POP1: variants seen among roughly 807,000 people sequenced by gnomAD.
The protein encoded by POP1 is ribonucleases P/MRP protein subunit POP1.
In POP1, 75 loss-of-function variants were observed where a neutral mutation model predicts 102.2. The observed-to-expected ratio is 0.73, with a 90% CI of 0.61 to 0.89. The LOEUF (loss-of-function observed/expected upper bound fraction) is 0.89, where lower values mean the gene tolerates loss of function less well. Among genes scored for constraint, POP1 ranks in the 40% least tolerant of loss-of-function variants. The probability of loss-of-function intolerance (pLI) is 0.00; values close to 1 mark genes in which losing one functional copy is unlikely to be tolerated. For missense variants in POP1, 1,116 were observed against 1,267.4 expected (o/e 0.88, Z 1.81); for synonymous variants, 436 against 464.1 (o/e 0.94, Z 0.78).
At chr8:98,130,442 A>T (rs1053013576) in intron 5 of POP1, among the ~76,000 whole-genome samples, 5 of 152,190 alleles carry the variant, frequency 3.3e-5, no homozygotes, top group African/African-American at 9.6e-5. Context: ...TTTACCAGAT[A>T]TGTGGTTGTA....
intron 11 of POP1, among the ~76,000 whole-genome samples, chr8:98,145,798 T>C (rs1429378818): frequency 1.3e-5 from 2 of 151,710 alleles, no homozygotes; most frequent in African/African-American, 4.8e-5. Context: ...CCCAGCTACT[T>C]GGGAGGCTGA....
intron 3 of POP1, among the ~76,000 whole-genome samples, 178 bp from the exon 4 acceptor site, chr8:98,128,187 A>T (rs1220664378): frequency 6.6e-6 from 1 of 151,898 alleles, no homozygotes; most frequent in African/African-American, 2.4e-5. Context: ...CCCCATCCAC[A>T]CTACCACAAT....
intron 3 of POP1, 34 bp from the exon 4 acceptor site, chr8:98,128,331 T>C: frequency 6.2e-7 from 1 of 1,604,258 alleles, no homozygotes; most frequent in African/African-American, 1.3e-5. Flanking sequence ...AATTCAAGAT[T>C]GGTGTTTAAT....
Position 98,149,006 on chromosome 8 carries a change from T to G in POP1, c.1902T>G (p.Phe634Leu), listed in dbSNP as rs761666913. The change falls in exon 13 of 16, where the codon TTT (phenylalanine) becomes TTG (leucine). Residue 634 changes from phenylalanine (F) to leucine (L), a missense_variant and splice_region_variant. Phe to Leu is a conservative substitution (Grantham distance 22). Transcript: ENST00000401707. ...GGGGCATGGCTTTCTGGATTCCATT[T>G]GTAAGTTACTTTTTGATTCTAACAG... ...KGWGMAFWIP[F>L]IYRGVRVGGL... 1 of 1,610,696 alleles carries G rather than the reference T, an allele frequency of 6.2e-7. No homozygotes were observed. Among genetic ancestry groups the G allele is most frequent in the Non-Finnish European group, 8.5e-7 (1 of 1,177,780 alleles).
At position 98,147,337 on chromosome 8, in the gene POP1, T is replaced by G. The variant is rs1250267450; in HGVS notation, c.1710+654T>G. On this transcript the variant is annotated intron_variant, in intron 12 of 15. Coordinates refer to ENST00000401707, the MANE Select transcript of POP1 (RefSeq NM_001145860.2). ...GGCAGGGTCAAGGTTTCAGTGAAGA[T>G]AAGATTGCAGGAAGTAAGAAAAGCA... Among the ~76,000 whole-genome samples, 5 of 152,182 alleles carry G rather than the reference T, an allele frequency of 3.3e-5. No individual in the cohort carries two copies. In the East Asian group the frequency reaches 9.7e-4, roughly 29 times the overall value.
intron 1 of POP1, among the ~76,000 whole-genome samples, chr8:98,121,512 G>GTT (rs34259075): frequency 0.08 from 9,562 of 119,618 alleles, 875 homozygotes; most frequent in African/African-American, 0.19. Flanking sequence ...GGTTACACGG[G>GTT]TTTTTTTTTT....
At chr8:98,125,430 C>G (rs1391265058) in intron 2 of POP1, among the ~76,000 whole-genome samples, 2 of 152,148 alleles carry the variant, frequency 1.3e-5, no homozygotes, top group African/African-American at 2.4e-5. Flanking sequence ...AAGTGATCCA[C>G]CTGCTTCGGC....
intron 5 of POP1, among the ~76,000 whole-genome samples, chr8:98,133,578 T>A (rs1439928793): frequency 6.6e-6 from 1 of 152,146 alleles, no homozygotes; most frequent in Non-Finnish European, 1.5e-5. Flanking sequence ...ACTTTGGGGG[T>A]GAATGGTTCT....
chr8:98,118,923 A>C (rs1262409082), intron 1 of POP1, among the ~76,000 whole-genome samples: 1 of 152,070 alleles, frequency 6.6e-6, no homozygotes, highest in African/African-American at 2.4e-5. Flanking sequence ...TCACAAGCTT[A>C]GTAGCCTTGG....
intron 5 of POP1, among the ~76,000 whole-genome samples, chr8:98,133,088 G>A (rs1314779537): frequency 7.0e-6 from 1 of 142,928 alleles, no homozygotes; most frequent in East Asian, 2.1e-4. Context: ...GTGGTGGCTC[G>A]TGCCTGTAGT....
chr8:98,121,167 T>C (rs987369234), intron 1 of POP1, among the ~76,000 whole-genome samples: 17 of 152,238 alleles, frequency 1.1e-4, no homozygotes, highest in Admixed American at 5.9e-4. Flanking sequence ...TAAGATTATG[T>C]AACTAAAAAG....
intron 14 of POP1, among the ~76,000 whole-genome samples, chr8:98,152,638 C>T (rs1809546244): frequency 6.6e-6 from 1 of 152,216 alleles, no homozygotes; most frequent in Admixed American, 6.5e-5. Context: ...AGAAACCATT[C>T]TTAGCTCATG....
At chr8:98,140,912 G>C (rs1467666689) in intron 11 of POP1, 24 bp downstream of exon 11, 1 of 1,612,122 alleles carries the variant, frequency 6.2e-7, no homozygotes, top group Non-Finnish European at 8.5e-7. Context: ...AACACCCCAG[G>C]TTTTCCTTAC....
intron 4 of POP1, 96 bp from the exon 5 acceptor site, chr8:98,129,882 C>A: frequency 7.3e-7 from 1 of 1,378,804 alleles, no homozygotes; most frequent in Non-Finnish European, 1.0e-6. Context: ...ATAAAATATT[C>A]CACTTAATCT....
Position 98,158,139 on chromosome 8 carries a change from C to G in POP1, c.2943C>G (p.Ala981=). The G allele has an allele frequency of 6.2e-7, 1 of 1,608,736 alleles. No individual in the cohort carries two copies. Among genetic ancestry groups the G allele is most frequent in the Non-Finnish European group, 8.5e-7 (1 of 1,177,954 alleles). The part of the protein sequence containing the change: ...DFSMAVGCGE[A]LGFVSLTGLL... ...CCATGGCTGTTGGCTGTGGAGAAGC[C>G]CTGGGGTTTGTTAGCTTGACAGGCT... The change falls in exon 16 of 16, where the codon GCC becomes GCG. Residue 981 remains alanine, a synonymous_variant. Transcript: ENST00000401707.
At chr8:98,127,518 A>G in intron 2 of POP1, 77 bp from the exon 3 acceptor site, 1 of 1,553,786 alleles carries the variant, frequency 6.4e-7, no homozygotes. Context: ...CAATGTTGCC[A>G]CCCAACAAAT....
chr8:98,123,955 T>C (rs933655963), intron 2 of POP1, among the ~76,000 whole-genome samples: 6 of 152,174 alleles, frequency 3.9e-5, no homozygotes, highest in Admixed American at 3.9e-4. Flanking sequence ...TGCCAAAGCT[T>C]ATTTGTAACC....
Position 98,124,566 on chromosome 8 carries a change from GA to G in POP1, c.142+1098del, listed in dbSNP as rs796493005. ...ACAGTGAGACTGTCCCAAAAAAAAG[GA>G]AAAAAAAAAAGATTATAATCTATGT... On this transcript the variant is annotated intron_variant, in intron 2 of 15. Transcript: ENST00000401707. 4.9e-3 allele frequency among the ~76,000 whole-genome samples: 703 copies of G among 142,802 alleles called. 2 individuals carry two copies. Among genetic ancestry groups the G allele is most frequent in the African/African-American group, 9.8e-3 (384 of 39,102 alleles). 93.7% of individuals were successfully genotyped at this position (142,802 alleles called of 152,430 possible).
Position 98,123,521 on chromosome 8 carries a change from G to A in POP1, c.142+42G>A, listed in dbSNP as rs759096723. The A allele has an allele frequency of 1.9e-6, 3 of 1,590,052 alleles. No individual in the cohort carries two copies. In the East Asian group the frequency reaches 6.8e-5, roughly 36 times the overall value. ...AGACCAGGCATGGTGGCTCACGCCT[G>A]TAATCCCAGCACTTTGGGAGGCTGA... On this transcript the variant is annotated intron_variant, in intron 2 of 15. Transcript: ENST00000401707.
Sources: gnomAD v4.1 joint callset for allele counts (sites outside exome capture counted in the v4.1 genomes callset) on GRCh38, gnomAD v4.1.1 for gene constraint, MANE v1.5 for transcripts, NCBI Gene and HGNC (gene_info 2026-07-23, HGNC 2026-07-21) for gene names.